Variants in THRB observed in about 807,000 individuals in gnomAD.
THRB encodes the protein thyroid hormone receptor beta, also known as nuclear receptor subfamily 1 group A member 2.
Under a neutral mutation model 47.8 loss-of-function variants are expected in THRB, and 12 were observed. That is an observed-to-expected ratio of 0.25 (90% confidence interval 0.16 to 0.41). THRB has a LOEUF of 0.41. THRB is among the 10% of genes least tolerant of loss of function. THRB has a pLI of 1.00. For missense variants in THRB, 348 were observed against 589.2 expected, an observed-to-expected ratio of 0.59 and a Z score of 4.24; for synonymous variants, 218 against 212.2, an observed-to-expected ratio of 1.03 and a Z score of -0.24.
intron 1 of THRB, among the ~76,000 whole-genome samples, chr3:24,492,926 T>A (rs1337800735): frequency 6.6e-6 from 1 of 152,238 alleles, no homozygotes; most frequent in Admixed American, 6.5e-5. Context: ...GGCTATAAAA[T>A]AAAGCCAAAC....
intron 1 of THRB, among the ~76,000 whole-genome samples, chr3:24,416,111 A>C (rs543393351): frequency 7.9e-5 from 12 of 151,992 alleles, no homozygotes; most frequent in African/African-American, 2.9e-4. Context: ...CCTTGAGGCA[A>C]ATAAAAAGTA....
At chr3:24,177,652 G>C (rs1056778840) in intron 5 of THRB, among the ~76,000 whole-genome samples, 6 of 152,210 alleles carry the variant, frequency 3.9e-5, no homozygotes, top group African/African-American at 1.4e-4. Flanking sequence ...AGCGATGTCT[G>C]AATTGGGCCT....
rs780345379 is a variant in THRB, at chr3:24,190,138, A to T, written c.219T>A (p.Asp73Glu). The change falls in exon 5 of 11, where the codon GAT (aspartate) becomes GAA (glutamate). Residue 73 changes from aspartate (D) to glutamate (E), a missense_variant. Around this residue, in one of 5 missense-constraint regions of THRB, gnomAD observed 148 missense variants for 122.3 expected, o/e 1.21. Coordinates refer to ENST00000646209, the MANE Select transcript of THRB (RefSeq NM_001354712.2). ...WTSSIFHLDH[D>E]DVNDQSVSSA... is the part of the protein sequence containing the mutation. ...TTGAGACACTCTGGTCGTTCACATC[A>T]TCATGGTCCAGATGGAATATTGAGC... 2.7e-5 allele frequency: 44 copies of T among 1,613,936 alleles called. No homozygotes were observed. The East Asian group carries it at 9.6e-4, about 35-fold the overall frequency.
At chr3:24,218,094 G>A (rs1239196051) in intron 4 of THRB, among the ~76,000 whole-genome samples, 2 of 151,882 alleles carry the variant, frequency 1.3e-5, no homozygotes, top group South Asian at 2.1e-4. Context: ...GTGAAACCTC[G>A]TCTCTACTAA....
intron 1 of THRB, among the ~76,000 whole-genome samples, chr3:24,364,418 A>G (rs1398908763): frequency 6.6e-6 from 1 of 152,178 alleles, no homozygotes; most frequent in Non-Finnish European, 1.5e-5. Context: ...ATTTTTAGTA[A>G]TAATAGCTAA....
chr3:24,478,852 G>A (rs1577887097), intron 1 of THRB, among the ~76,000 whole-genome samples: 1 of 152,318 alleles, frequency 6.6e-6, no homozygotes, highest in South Asian at 2.1e-4. Context: ...TAGAACTAAA[G>A]TCTAAACAGT....
chr3:24,256,773 G>A (rs1299196618), intron 3 of THRB, among the ~76,000 whole-genome samples: 2 of 152,284 alleles, frequency 1.3e-5, no homozygotes, highest in Admixed American at 6.5e-5. Flanking sequence ...GAGAAGGTGA[G>A]GTTATTTGAT....
chr3:24,311,896 A>G lies in THRB; in HGVS notation c.-188-14525T>C, dbSNP rs571050903. 2.0e-5 allele frequency among the ~76,000 whole-genome samples: 3 copies of G among 152,188 alleles called. No individual in the cohort carries two copies. In the East Asian group the frequency reaches 5.8e-4, roughly 29 times the overall value. On this transcript the variant is annotated intron_variant, in intron 2 of 10. Transcript: ENST00000646209. ...CCTCTCATTTACTAGTAGTAGGTCCAAAGACCTTGCAATGGCTTATAAGGC... is the reference window on the plus strand; with the variant it reads ...CCTCTCATTTACTAGTAGTAGGTCCGAAGACCTTGCAATGGCTTATAAGGC...
At chr3:24,234,289 C>T (rs538941212) in intron 3 of THRB, among the ~76,000 whole-genome samples, 1 of 152,296 alleles carries the variant, frequency 6.6e-6, no homozygotes, top group Non-Finnish European at 1.5e-5. Context: ...GCAAAATCTA[C>T]TCACAGCTGC....
chr3:24,194,093 G>A, intron 4 of THRB, among the ~76,000 whole-genome samples: 1 of 152,204 alleles, frequency 6.6e-6, no homozygotes, highest in East Asian at 1.9e-4. Context: ...AAAGGCATAA[G>A]AATGATACAT....
chr3:24,267,942 A>G (rs1239455333), intron 3 of THRB, among the ~76,000 whole-genome samples: 1 of 152,126 alleles, frequency 6.6e-6, no homozygotes, highest in East Asian at 1.9e-4. Context: ...CATTAGCCCT[A>G]TCCTAGATAA....
At chr3:24,183,110 C>CTGTT (rs2042114056) in intron 5 of THRB, among the ~76,000 whole-genome samples, 2 of 151,748 alleles carry the variant, frequency 1.3e-5, no homozygotes, top group African/African-American at 2.4e-5. Flanking sequence ...TTTTTTTCAA[C>CTGTT]TGTTTATGCC....
chr3:24,423,690 C>T (rs914813588), intron 1 of THRB, among the ~76,000 whole-genome samples: 22 of 151,688 alleles, frequency 1.5e-4, no homozygotes, highest in African/African-American at 5.1e-4. Flanking sequence ...TAGTACTATA[C>T]AATTGTCTGT....
intron 8 of THRB, among the ~76,000 whole-genome samples, chr3:24,143,276 T>A (rs562803740): frequency 6.6e-6 from 1 of 152,348 alleles, no homozygotes; most frequent in East Asian, 1.9e-4. Flanking sequence ...GAAACTGTTT[T>A]AGAATTCAGC....
chr3:24,417,148 C>T (rs1043731809), intron 1 of THRB, among the ~76,000 whole-genome samples: 10 of 144,584 alleles, frequency 6.9e-5, no homozygotes, highest in African/African-American at 2.5e-4. Context: ...ACGCGCAACG[C>T]GTTATGACTG....
At chr3:24,364,930 T>C (rs1266492443) in intron 1 of THRB, among the ~76,000 whole-genome samples, 1 of 152,220 alleles carries the variant, frequency 6.6e-6, no homozygotes, top group Non-Finnish European at 1.5e-5. Flanking sequence ...GACATGTACA[T>C]ATCTATGTGT....
chr3:24,363,696 GT>G (rs1235516779), intron 1 of THRB, among the ~76,000 whole-genome samples: 4 of 152,268 alleles, frequency 2.6e-5, no homozygotes, highest in Non-Finnish European at 5.9e-5. Context: ...ACAGACAAGA[GT>G]TTCTTATGTC....
chr3:24,248,207 G>A (rs990552919), intron 3 of THRB, among the ~76,000 whole-genome samples: 1 of 152,052 alleles, frequency 6.6e-6, no homozygotes, highest in South Asian at 2.1e-4. Context: ...TATACGAACT[G>A]GGTAGGAGTA....
chr3:24,310,394 A>T (rs1049778600), intron 2 of THRB, among the ~76,000 whole-genome samples: 3 of 152,190 alleles, frequency 2.0e-5, no homozygotes, highest in African/African-American at 7.2e-5. Flanking sequence ...TTAATTCAAA[A>T]TCTTTCTTTA....
Sources: allele counts gnomAD v4.1 joint callset (sites outside exome capture counted in the v4.1 genomes callset), GRCh38; gene constraint gnomAD v4.1.1; regional missense constraint gnomAD v4.1.1; transcripts MANE v1.5; gene names NCBI Gene and HGNC (gene_info 2026-07-23, HGNC 2026-07-21).